The following CYB5A variants were observed in gnomAD, a reference collection of about 807,000 sequenced individuals.
The protein encoded by CYB5A is cytochrome b5.
In CYB5A, 10 loss-of-function variants were observed where a neutral mutation model predicts 16.2. The observed-to-expected ratio is 0.62, with a 90% CI of 0.38 to 1.04. The LOEUF (loss-of-function observed/expected upper bound fraction) is 1.04, where lower values mean the gene tolerates loss of function less well. Among genes scored for constraint, CYB5A ranks in the 50% least tolerant of loss-of-function variants. The pLI, the probability that CYB5A is intolerant of heterozygous loss-of-function variation, is 0.01. For synonymous variants in CYB5A, 62 were observed against 57.0 expected, an observed-to-expected ratio of 1.09 and a Z score of -0.40; for missense variants, 161 against 165.9, an observed-to-expected ratio of 0.97 and a Z score of 0.16.
intron 1 of CYB5A, among the ~76,000 whole-genome samples, chr18:74,274,839 G>A (rs1476956666): frequency 6.6e-6 from 1 of 152,174 alleles, no homozygotes; most frequent in Non-Finnish European, 1.5e-5. Context: ...GCAGAAACAA[G>A]TTATAAAATC....
chr18:74,272,481 C>T (rs1982706632), intron 1 of CYB5A, among the ~76,000 whole-genome samples: 1 of 152,184 alleles, frequency 6.6e-6, no homozygotes, highest in South Asian at 2.1e-4. Context: ...CTGACGGTTC[C>T]TCGTGGTACC....
Position 74,291,658 on chromosome 18 carries a change from A to C in CYB5A, c.129+89T>G, listed in dbSNP as rs1983548081. ...GGCGCGCCTAGGCGTAGGTATGCGG[A>C]CTCCGGGCCGCGAAAGACAGGTCAT... On this transcript the variant is annotated intron_variant, in intron 1 of 4. Transcript: ENST00000340533. 1.4e-5 allele frequency: 23 copies of C among 1,587,190 alleles called. 2 individuals are homozygous for C. In the South Asian group the frequency reaches 2.5e-4, roughly 18 times the overall value.
At chr18:74,257,642 C>G (rs972080876) in intron 3 of CYB5A, 9 of 152,298 alleles carry the variant, frequency 5.9e-5, no homozygotes, top group African/African-American at 2.2e-4. Context: ...AAAGTCTGGG[C>G]ATGGTGGCTC....
intron 1 of CYB5A, among the ~76,000 whole-genome samples, chr18:74,276,681 G>A (rs1013197399): frequency 6.6e-6 from 1 of 152,108 alleles, no homozygotes; most frequent in Non-Finnish European, 1.5e-5. Context: ...CCTTCGGAGG[G>A]TTTGCTTAAC....
chr18:74,262,497 G>C (rs1250646336), intron 2 of CYB5A, among the ~76,000 whole-genome samples: 1 of 151,754 alleles, frequency 6.6e-6, no homozygotes, highest in Non-Finnish European at 1.5e-5. Context: ...TTAGGCCAGT[G>C]TTTTCCAAAA....
In CYB5A at chr18:74,253,301, T is replaced by G. The variant is rs1403857965; in HGVS notation, c.*283A>C. On this transcript the variant is annotated 3_prime_UTR_variant, in exon 5 of 5. Coordinates refer to ENST00000340533, the MANE Select transcript of CYB5A (RefSeq NM_148923.4). ...AAACAGGCAAACACGGTGCATACTT[T>G]AAAAGCCAAATATATTTTTAAAAGA... 1 of 366,352 alleles carries G rather than the reference T, an allele frequency of 2.7e-6. No individual in the cohort carries two copies. The highest frequency in any genetic ancestry group is 2.1e-5 in the African/African-American group (1 of 47,302). The allele number at this position is 366,352 out of a possible 1,614,324, so 22.7% of individuals were successfully genotyped here.
chr18:74,259,933 T>C (rs950313818), intron 3 of CYB5A: 5 of 116,722 alleles, frequency 4.3e-5, no homozygotes, highest in African/African-American at 1.4e-4. Flanking sequence ...CTTTCTTGAA[T>C]AAGGAGAGAA....
intron 1 of CYB5A, among the ~76,000 whole-genome samples, chr18:74,285,843 C>CAAAAAAAA (rs58176740): frequency 1.4e-5 from 1 of 70,866 alleles, no homozygotes; most frequent in Non-Finnish European, 3.1e-5. Flanking sequence ...GACCCCATCT[C>CAAAAAAAA]AAAAAAAAAA....
rs1981813520 is a variant in CYB5A, at chr18:74,252,715, T to C, written c.*869A>G. 1 of 152,178 alleles carries C rather than the reference T, an allele frequency of 6.6e-6. No homozygotes were observed. Among genetic ancestry groups the C allele is most frequent in the African/African-American group, 2.4e-5 (1 of 41,414 alleles). 9.4% of individuals were successfully genotyped at this position (152,178 alleles called of 1,614,324 possible). A position where few individuals can be genotyped will look rare whatever the true frequency, so the allele number is the denominator to read the frequency against. On this transcript the variant is annotated 3_prime_UTR_variant, in exon 5 of 5. Transcript: ENST00000340533. Reference sequence around the variant, plus strand: ...ATAGGCCCTGTAGGCTACTTTCTTTTTTTTTTGAGACAGAGTTTCACTCTT... The same window carrying C: ...ATAGGCCCTGTAGGCTACTTTCTTTCTTTTTTGAGACAGAGTTTCACTCTT...
At chr18:74,277,141 T>G (rs1599261554) in intron 1 of CYB5A, among the ~76,000 whole-genome samples, 2 of 152,140 alleles carry the variant, frequency 1.3e-5, no homozygotes, top group Non-Finnish European at 2.9e-5. Flanking sequence ...TCAAAAGAGT[T>G]TGGAGAATGA....
intron 1 of CYB5A, among the ~76,000 whole-genome samples, chr18:74,288,561 G>A (rs73970037): frequency 0.039 from 5,968 of 152,280 alleles, 419 homozygotes; most frequent in African/African-American, 0.14. Context: ...TCGGGCAAGC[G>A]GGGAAGAGAG....
At chr18:74,263,556 C>T in intron 1 of CYB5A, 79 bp from the exon 2 acceptor site, 1 of 1,279,032 alleles carries the variant, frequency 7.8e-7, no homozygotes, top group African/African-American at 1.5e-5. Flanking sequence ...TTTATTTAAC[C>T]AAACAGGTGA....
intron 1 of CYB5A, among the ~76,000 whole-genome samples, chr18:74,270,963 A>G (rs960241410): frequency 2.6e-5 from 4 of 152,232 alleles, no homozygotes; most frequent in African/African-American, 9.6e-5. Context: ...TGAGATAAGC[A>G]CAGATCATTC....
chr18:74,286,906 A>G (rs1485735587), intron 1 of CYB5A, among the ~76,000 whole-genome samples: 1 of 152,244 alleles, frequency 6.6e-6, no homozygotes, highest in Non-Finnish European at 1.5e-5. Flanking sequence ...GCAAAAGTTA[A>G]TTTGCTGTTT....
At chr18:74,255,972 A>G (rs1394881425) in intron 3 of CYB5A, 197 bp from the exon 4 acceptor site, 1 of 575,692 alleles carries the variant, frequency 1.7e-6, no homozygotes, top group Admixed American at 3.0e-5. Context: ...CATTTTAATC[A>G]TTATATTTAC....
chr18:74,267,800 G>A (rs945174278), intron 1 of CYB5A, among the ~76,000 whole-genome samples: 1 of 152,202 alleles, frequency 6.6e-6, no homozygotes, highest in Admixed American at 6.5e-5. Flanking sequence ...CCACTTCGGC[G>A]AAGTCAGTAG....
At chr18:74,276,734 C>T (rs529719558) in intron 1 of CYB5A, among the ~76,000 whole-genome samples, 4 of 152,272 alleles carry the variant, frequency 2.6e-5, no homozygotes, top group African/African-American at 9.6e-5. Flanking sequence ...ACGCAGGCCG[C>T]CTGACTCCAC....
chr18:74,276,963 TGA>T (rs1982906927), intron 1 of CYB5A, among the ~76,000 whole-genome samples: 1 of 152,224 alleles, frequency 6.6e-6, no homozygotes, highest in South Asian at 2.1e-4. Flanking sequence ...CAATGCTAAG[TGA>T]CTGAAGTCCA....
chr18:74,291,668 G>A lies in CYB5A; in HGVS notation c.129+79C>T, dbSNP rs58450389. ...GGCGTAGGTATGCGGACTCCGGGCC[G>A]CGAAAGACAGGTCATGCCAGTGAAC... On this transcript the variant is annotated intron_variant, in intron 1 of 4. Coordinates refer to ENST00000340533, the MANE Select transcript of CYB5A (RefSeq NM_148923.4). The A allele has an allele frequency of 7.6e-3, 12,097 of 1,601,752 alleles. 769 individuals carry two copies. In the African/African-American group the frequency reaches 0.14, roughly 18 times the overall value.
Sources: allele counts gnomAD v4.1 joint callset (sites outside exome capture counted in the v4.1 genomes callset), GRCh38; gene constraint gnomAD v4.1.1; transcripts MANE v1.5; gene names NCBI Gene and HGNC (gene_info 2026-07-23, HGNC 2026-07-21).